LEMD1: variants seen among roughly 807,000 people sequenced by gnomAD.
The protein encoded by LEMD1 is LEM domain containing 1.
In LEMD1, 18 loss-of-function variants were observed where a neutral mutation model predicts 17.4. The ratio of observed to expected loss-of-function variants is 1.04; its 90% CI spans 0.72 to 1.54. The LOEUF is 1.54. Ranked by LOEUF, LEMD1 falls within the 40% of genes most tolerant of loss-of-function variation. The probability of loss-of-function intolerance (pLI) is 0.00; values close to 1 mark genes in which losing one functional copy is unlikely to be tolerated. For missense variants in LEMD1, 195 were observed against 210.4 expected, an observed-to-expected ratio of 0.93 and a Z score of 0.45; for synonymous variants, 88 against 77.8, an observed-to-expected ratio of 1.13 and a Z score of -0.69.
intron 4 of LEMD1, among the ~76,000 whole-genome samples, chr1:205,401,567 G>A (rs552792182): frequency 8.4e-4 from 128 of 152,064 alleles, no homozygotes; most frequent in Middle Eastern, 6.8e-3. Flanking sequence ...TTGTAAATTT[G>A]TTTGAGTTCA....
chr1:205,415,940 G>T (rs886227198), intron 4 of LEMD1, among the ~76,000 whole-genome samples: 4 of 152,172 alleles, frequency 2.6e-5, no homozygotes, highest in Admixed American at 6.5e-5. Context: ...ATATGTGAAT[G>T]TAGACAACAG....
At chr1:205,397,102 C>T (rs1042984025) in intron 4 of LEMD1, among the ~76,000 whole-genome samples, 1 of 152,176 alleles carries the variant, frequency 6.6e-6, no homozygotes, top group Non-Finnish European at 1.5e-5. Flanking sequence ...AAGTGCCTCC[C>T]ATGGACTCTC....
intron 1 of LEMD1, among the ~76,000 whole-genome samples, chr1:205,428,850 C>T (rs1216963667): frequency 1.3e-5 from 2 of 152,102 alleles, no homozygotes; most frequent in Non-Finnish European, 2.9e-5. Context: ...GGTGACCTAT[C>T]AAAGGTGGGG....
At chr1:205,382,113 C>T in intron 5 of LEMD1, 2 of 474,764 alleles carry the variant, frequency 4.2e-6, no homozygotes, top group South Asian at 5.1e-5. Context: ...GACATCCTCC[C>T]ACGTCTGCCT....
chr1:205,446,143 A>T (rs965545417), intron 1 of LEMD1, among the ~76,000 whole-genome samples: 4 of 152,230 alleles, frequency 2.6e-5, no homozygotes, highest in Non-Finnish European at 4.4e-5. Flanking sequence ...AAGGGACATG[A>T]GGGCAACTTG....
chr1:205,388,817 A>C (rs1011086588), intron 4 of LEMD1, among the ~76,000 whole-genome samples: 3 of 152,122 alleles, frequency 2.0e-5, no homozygotes, highest in Non-Finnish European at 4.4e-5. Context: ...ATGAATTGAC[A>C]TTTTCATAAG....
At chr1:205,405,928 A>C (rs1018226816) in intron 4 of LEMD1, among the ~76,000 whole-genome samples, 1 of 152,168 alleles carries the variant, frequency 6.6e-6, no homozygotes, top group Non-Finnish European at 1.5e-5. Context: ...AACAGACAGG[A>C]ACCTCAGCTG....
At chr1:205,406,438 C>T (rs1472958148) in intron 4 of LEMD1, among the ~76,000 whole-genome samples, 12 of 152,122 alleles carry the variant, frequency 7.9e-5, no homozygotes, top group African/African-American at 1.7e-4. Flanking sequence ...GCCTGGCTGC[C>T]GCCTTGCAGT....
At chr1:205,406,710 C>T (rs1419808774) in intron 4 of LEMD1, among the ~76,000 whole-genome samples, 1 of 152,178 alleles carries the variant, frequency 6.6e-6, no homozygotes, top group African/African-American at 2.4e-5. Flanking sequence ...TGCGCTGCAC[C>T]CACTGTCCTG....
chr1:205,418,068 G>A (rs533594291), intron 3 of LEMD1, among the ~76,000 whole-genome samples: 63 of 152,192 alleles, frequency 4.1e-4, no homozygotes, highest in African/African-American at 1.3e-3. Context: ...TGCATGGCCC[G>A]TGCTAACGTA....
chr1:205,425,886 C>G (rs909674988), upstream of LEMD1, among the ~76,000 whole-genome samples: 1 of 151,992 alleles, frequency 6.6e-6, no homozygotes, highest in Non-Finnish European at 1.5e-5. Flanking sequence ...TTAGTAAATT[C>G]TTTTTATATG....
chr1:205,409,742 C>G (rs575291457), intron 4 of LEMD1, among the ~76,000 whole-genome samples: 1 of 150,978 alleles, frequency 6.6e-6, no homozygotes, highest in Middle Eastern at 3.5e-3. Flanking sequence ...CTTGGGACCA[C>G]AAGCATGCGT....
chr1:205,412,688 G>A (rs1665505124), intron 4 of LEMD1, among the ~76,000 whole-genome samples: 1 of 152,168 alleles, frequency 6.6e-6, no homozygotes, highest in Admixed American at 6.5e-5. Flanking sequence ...TCAGATTTAA[G>A]GATGAACAGA....
At position 205,429,828 on chromosome 1, in the gene LEMD1, A is replaced by G. The variant is rs114798284; in HGVS notation, c.-38-9254T>C. Among the ~76,000 whole-genome samples, 412 of 152,112 alleles carry G rather than the reference A, an allele frequency of 2.7e-3. 3 individuals carry two copies. Among genetic ancestry groups the G allele is most frequent in the African/African-American group, 9.0e-3 (374 of 41,492 alleles). ...AGGCATTTGGGGTCATTGTCTGGGA[A>G]TGAATCCTGGACAGCAGGAGGCTGC... On this transcript the variant is annotated intron_variant, in intron 1 of 3. Coordinates refer to the LEMD1 transcript ENST00000367154.
chr1:205,442,568 C>T (rs1022509214), intron 1 of LEMD1, among the ~76,000 whole-genome samples: 1 of 152,184 alleles, frequency 6.6e-6, no homozygotes, highest in East Asian at 1.9e-4. Flanking sequence ...AGCCTCTCAG[C>T]GTCCCGGTAA....
intron 5 of LEMD1, among the ~76,000 whole-genome samples, chr1:205,382,538 C>T (rs1375933697): frequency 1.3e-5 from 2 of 152,106 alleles, no homozygotes; most frequent in East Asian, 3.9e-4. Context: ...GCTGGGATTA[C>T]AGGCGTGAGC....
chr1:205,393,404 G>A (rs1476091744), intron 4 of LEMD1, among the ~76,000 whole-genome samples: 6 of 151,898 alleles, frequency 4.0e-5, no homozygotes, highest in African/African-American at 4.8e-5. Flanking sequence ...GACCGGGCAC[G>A]GTGGCTCACA....
chr1:205,406,375 G>C (rs928179276), intron 4 of LEMD1, among the ~76,000 whole-genome samples: 9 of 152,250 alleles, frequency 5.9e-5, no homozygotes, highest in Non-Finnish European at 1.0e-4. Context: ...CGAGCTTCCT[G>C]GCTGCTTTGT....
chr1:205,400,490 G>A (rs938724100), intron 4 of LEMD1, among the ~76,000 whole-genome samples: 4 of 152,268 alleles, frequency 2.6e-5, no homozygotes, highest in South Asian at 2.1e-4. Context: ...AATTCCTGCC[G>A]AGAACGCATG....
Sources: allele counts gnomAD v4.1 joint callset (sites outside exome capture counted in the v4.1 genomes callset), GRCh38; gene constraint gnomAD v4.1.1; transcripts MANE v1.5; gene names NCBI Gene and HGNC (gene_info 2026-07-23, HGNC 2026-07-21).